STN1: variants seen among roughly 807,000 people sequenced by gnomAD.
STN1 encodes the protein STN1 subunit of CST complex, also known as CST complex subunit STN1.
STN1 carries 29 observed loss-of-function variants against 45.5 expected under a neutral mutation model. The ratio of observed to expected loss-of-function variants is 0.64; its 90% CI spans 0.47 to 0.87. The LOEUF (loss-of-function observed/expected upper bound fraction) is 0.87. Among genes scored for constraint, STN1 ranks in the 40% least tolerant of loss-of-function variants. STN1 has a pLI of 0.00. For synonymous variants in STN1, 148 were observed against 159.0 expected (o/e 0.93, Z 0.52); for missense variants, 376 against 441.4 (o/e 0.85, Z 1.33).
rs1226698839 is a variant in STN1 at position 103,880,173 on chromosome 10, A to T, written c.*2511T>A. Among the ~76,000 whole-genome samples, 1 of 152,240 alleles carries T rather than the reference A, an allele frequency of 6.6e-6. No homozygotes were observed. The highest frequency in any genetic ancestry group is 1.5e-5 in the Non-Finnish European group (1 of 68,046). On this transcript the variant is annotated 3_prime_UTR_variant, in exon 10 of 10. Coordinates refer to ENST00000224950, the MANE Select transcript of STN1 (RefSeq NM_024928.5). ...TGGGAGTTTTATTGAGTGATGAAAC[A>T]GTTTTCAACAGAGAGGAGACGTGGG... is the stretch of plus-strand genomic sequence containing the variant.
At chr10:103,894,481 T>C (rs1843158531) in intron 7 of STN1, among the ~76,000 whole-genome samples, 1 of 152,122 alleles carries the variant, frequency 6.6e-6, no homozygotes, top group South Asian at 2.1e-4. Context: ...AAACAATACT[T>C]GAAGCTTCCT....
intron 4 of STN1, among the ~76,000 whole-genome samples, chr10:103,901,697 G>A (rs761668153): frequency 1.3e-5 from 2 of 152,178 alleles, no homozygotes; most frequent in Non-Finnish European, 2.9e-5. Context: ...AATAATAAAT[G>A]TAAGCTATTT....
rs555121284 is a variant in STN1 at position 103,882,967 on chromosome 10, C to G, written c.950-126G>C. ...AGATGATCTTTATGCACATTAAAGT[C>G]AGAAATGCATGATCTACCTGATCAC... On this transcript the variant is annotated intron_variant, in intron 9 of 9. Coordinates refer to ENST00000224950, the MANE Select transcript of STN1 (RefSeq NM_024928.5). The G allele has an allele frequency of 1.9e-5, 17 of 897,604 alleles. No homozygotes were observed. In the South Asian group the frequency reaches 3.1e-4, roughly 16 times the overall value. 55.6% of individuals were successfully genotyped at this position (897,604 alleles called of 1,614,324 possible).
chr10:103,910,037 T>C (rs1843279609), intron 3 of STN1, among the ~76,000 whole-genome samples: 1 of 152,246 alleles, frequency 6.6e-6, no homozygotes, highest in Non-Finnish European at 1.5e-5. Context: ...TTTCTGATAA[T>C]GGGTATTTAC....
rs1337433407 is a variant in STN1, at chr10:103,892,155, T to C, written c.851A>G (p.Asp284Gly). Residue 284 changes from aspartate (D) to glycine (G), a missense_variant, in exon 8 of 10, where the codon GAT becomes GGT. Coordinates refer to ENST00000224950, the MANE Select transcript of STN1 (RefSeq NM_024928.5). ...ATAGTATAGGTTATCAAAACCATCA[T>C]CTTTCTGGAAAACAAGTCCTTTTTC... ...LQEKGLVFQK[D>G]DGFDNLYYVT... 2.2e-5 allele frequency: 36 copies of C among 1,611,516 alleles called. No individual in the cohort carries two copies. Among genetic ancestry groups the C allele is most frequent in the Non-Finnish European group, 2.4e-5 (28 of 1,179,348 alleles).
At chr10:103,883,531 T>A (rs184851261) in intron 9 of STN1, among the ~76,000 whole-genome samples, 1 of 152,206 alleles carries the variant, frequency 6.6e-6, no homozygotes, top group East Asian at 1.9e-4. Flanking sequence ...AGAATGCAAG[T>A]CCTTTTAATT....
rs4917405 is a variant in STN1, at chr10:103,878,474, T to C, written c.*4210A>G. On this transcript the variant is annotated 3_prime_UTR_variant, in exon 10 of 10. Coordinates refer to ENST00000224950, the MANE Select transcript of STN1 (RefSeq NM_024928.5). ...TGAATGTGGGGTGGGGAGTGGGAAA[T>C]AGCTTTATAATTTTTGTAGAAATTA... 142,971 of 152,274 alleles carry C rather than the reference T, an allele frequency of 0.94. 67,176 individuals carry two copies. Among genetic ancestry groups the C allele is most frequent in the East Asian group, 0.99 (5,095 of 5,164 alleles). The allele number at this position is 152,274 out of a possible 1,614,324, so 9.4% of individuals were successfully genotyped here.
At chr10:103,903,988 T>C (rs1008499232) in intron 4 of STN1, among the ~76,000 whole-genome samples, 7 of 152,206 alleles carry the variant, frequency 4.6e-5, no homozygotes, top group Non-Finnish European at 8.8e-5. Flanking sequence ...AAATTCTAAA[T>C]GTAAATACAT....
intron 7 of STN1, 83 bp downstream of exon 7, chr10:103,897,465 T>C: frequency 8.3e-7 from 1 of 1,210,284 alleles, no homozygotes; most frequent in Non-Finnish European, 1.2e-6. Context: ...TGAATCTTCA[T>C]GCCACAGTCA....
At chr10:103,904,382 G>A (rs1843227926) in intron 4 of STN1, among the ~76,000 whole-genome samples, 2 of 151,976 alleles carry the variant, frequency 1.3e-5, no homozygotes, top group South Asian at 4.1e-4. Flanking sequence ...TTGGGAGGCT[G>A]AGGCAGGAGG....
chr10:103,909,408 GTATATATGTATATATGTA>G lies in STN1; in HGVS notation c.229+1101_229+1118del, dbSNP rs1843268748. ...TATATATGTATATATGTATATATAT[GTATATATGTATATATGTA>G]TATATATGTATATATATGTATATAT... On this transcript the variant is annotated intron_variant, in intron 3 of 9. Transcript: ENST00000224950. Among the ~76,000 whole-genome samples the G allele has an allele frequency of 3.9e-4, 18 of 46,566 alleles. 1 individual carries two copies. Among genetic ancestry groups the G allele is most frequent in the Admixed American group, 9.6e-4 (3 of 3,116 alleles). 30.5% of individuals were successfully genotyped at this position (46,566 alleles called of 152,430 possible).
At chr10:103,896,250 A>G (rs1250056078) in intron 7 of STN1, among the ~76,000 whole-genome samples, 1 of 152,192 alleles carries the variant, frequency 6.6e-6, no homozygotes, top group East Asian at 1.9e-4. Flanking sequence ...GAGAGCAAAG[A>G]ATAAGACAGA....
At chr10:103,884,236 A>G (rs1349529943) in intron 9 of STN1, among the ~76,000 whole-genome samples, 1 of 151,858 alleles carries the variant, frequency 6.6e-6, no homozygotes, top group Non-Finnish European at 1.5e-5. Context: ...ATTTTGCCTC[A>G]GCTCCTTCCT....
chr10:103,889,695 C>CTTTTTTTTTTTT (rs58738841), intron 8 of STN1, among the ~76,000 whole-genome samples: 2 of 122,098 alleles, frequency 1.6e-5, no homozygotes, highest in African/African-American at 3.4e-5. Flanking sequence ...TTTCTTTTTC[C>CTTTTTTTTTTTT]TTTTTTTTTT....
At chr10:103,892,950 T>TC (rs1277832206) in intron 7 of STN1, among the ~76,000 whole-genome samples, 2 of 152,142 alleles carry the variant, frequency 1.3e-5, no homozygotes, top group African/African-American at 2.4e-5. Flanking sequence ...ATCAGCTATG[T>TC]CCCCCCATGC....
In STN1 at chr10:103,883,549, CCA is replaced by C. The variant is rs1843084608; in HGVS notation, c.950-710_950-709del. ...ATGCAAGTCCTTTTAATTATCAGGC[CCA>C]GAGAGACACGACCATGAAACGGAAA... is the stretch of plus-strand genomic sequence containing the variant. On this transcript the variant is annotated intron_variant, in intron 9 of 9. Transcript: ENST00000224950. Among the ~76,000 whole-genome samples the C allele has an allele frequency of 8.6e-5, 13 of 151,946 alleles. No individual in the cohort carries two copies. In the South Asian group the frequency reaches 2.7e-3, roughly 32 times the overall value.
Position 103,917,563 on chromosome 10 carries a change from T to G in STN1, c.32A>C (p.Glu11Ala), listed in dbSNP as rs752288404. 2 of 1,614,024 alleles carry G rather than the reference T, an allele frequency of 1.2e-6. No homozygotes were observed. Among genetic ancestry groups the G allele is most frequent in the Admixed American group, 3.3e-5 (2 of 60,026 alleles). Residue 11 changes from glutamate (E) to alanine (A), a missense_variant, in exon 2 of 10, where the codon GAG becomes GCG. Glu to Ala is a moderately radical substitution (Grantham distance 107, BLOSUM62 -1). Coordinates refer to ENST00000224950, the MANE Select transcript of STN1 (RefSeq NM_024928.5). MQPGSSRCEEETPSLLWGLDP... is the reference protein window; with the variant it reads MQPGSSRCEEATPSLLWGLDP... ...CAAACCCCACAAGAGGGAAGGGGTC[T>G]CCTCTTCACACCGGCTGGATCCAGG...
chr10:103,891,292 CCT>C (rs1156590860), intron 8 of STN1, among the ~76,000 whole-genome samples: 1 of 151,998 alleles, frequency 6.6e-6, no homozygotes, highest in Non-Finnish European at 1.5e-5. Flanking sequence ...TATGGAATAC[CCT>C]GAGGATGTTA....
chr10:103,905,428 C>T (rs894597521), intron 3 of STN1, among the ~76,000 whole-genome samples: 1 of 152,134 alleles, frequency 6.6e-6, no homozygotes, highest in African/African-American at 2.4e-5. Flanking sequence ...CGATTAGTAC[C>T]CTCAAGGGTA....
Sources: gnomAD v4.1 joint callset for allele counts (sites outside exome capture counted in the v4.1 genomes callset) on GRCh38, gnomAD v4.1.1 for gene constraint, MANE v1.5 for transcripts, NCBI Gene and HGNC (gene_info 2026-07-23, HGNC 2026-07-21) for gene names.